The following CHLSN variants were observed in gnomAD, a reference collection of about 807,000 sequenced individuals.
CHLSN encodes the protein cholesin, also known as protein cholesin.
At chr7:1,019,468 G>C in the CHLSN span, among the ~76,000 whole-genome samples, 1 of 152,252 alleles carries the variant, frequency 6.6e-6, no homozygotes, top group African/African-American at 2.4e-5. Flanking sequence ...ACCGTGAGGA[G>C]GCTGGCCTGG....
At chr7:1,079,630 G>A in the CHLSN span, among the ~76,000 whole-genome samples, 1 of 152,236 alleles carries the variant, frequency 6.6e-6, no homozygotes, top group African/African-American at 2.4e-5. Flanking sequence ...ATGTAGACGT[G>A]TGACGGGAAG....
chr7:1,096,784 C>T, the CHLSN span, among the ~76,000 whole-genome samples: 11 of 152,356 alleles, frequency 7.2e-5, no homozygotes, highest in Non-Finnish European at 1.2e-4. The surrounding 1 kb of genome is among the most constrained non-coding windows in gnomAD (Gnocchi z 4.6). Flanking sequence ...ACGGCTTACC[C>T]GCCCTTCCCA....
chr7:1,103,018 C>T, the CHLSN span, among the ~76,000 whole-genome samples: 1 of 152,224 alleles, frequency 6.6e-6, no homozygotes, highest in Non-Finnish European at 1.5e-5. Flanking sequence ...GACCCCTTAC[C>T]CGTGACACGG....
chr7:997,601 C>T, the CHLSN span: 19 of 1,507,544 alleles, frequency 1.3e-5, no homozygotes, highest in East Asian at 5.2e-5. Context: ...CACTGGGCAG[C>T]GGCCCCGCCC....
At chr7:1,004,991 G>A in the CHLSN span, among the ~76,000 whole-genome samples, 8 of 152,220 alleles carry the variant, frequency 5.3e-5, no homozygotes, top group East Asian at 1.3e-3. Context: ...TAGCCTACTG[G>A]GCTTTAAAAA....
chr7:1,053,282 C>T, the CHLSN span, among the ~76,000 whole-genome samples: 8 of 152,280 alleles, frequency 5.3e-5, no homozygotes, highest in East Asian at 1.5e-3. Context: ...AGGCCATCCC[C>T]CTCACTCGGA....
the CHLSN span, among the ~76,000 whole-genome samples, chr7:1,005,100 G>A: frequency 2.0e-5 from 3 of 152,212 alleles, no homozygotes; most frequent in Admixed American, 6.5e-5. Flanking sequence ...GACCATCTTG[G>A]TTAATACGGT....
chr7:1,132,893 C>T, the CHLSN span, among the ~76,000 whole-genome samples: 9 of 152,072 alleles, frequency 5.9e-5, no homozygotes, highest in African/African-American at 2.2e-4. Context: ...GAATGACCAA[C>T]AGGCACATGA....
the CHLSN span, among the ~76,000 whole-genome samples, chr7:1,015,079 G>A: frequency 6.6e-6 from 1 of 152,340 alleles, no homozygotes; most frequent in South Asian, 2.1e-4. Flanking sequence ...AGCCCAAAAG[G>A]ACAGTGACCC....
the CHLSN span, among the ~76,000 whole-genome samples, chr7:1,117,035 G>A: frequency 9.9e-6 from 1 of 100,850 alleles, no homozygotes. Context: ...ACAGTTCTAC[G>A]GACCGGCTTC....
the CHLSN span, among the ~76,000 whole-genome samples, chr7:1,136,395 TATA>T: frequency 1.8e-5 from 2 of 110,666 alleles, no homozygotes; most frequent in African/African-American, 8.3e-5. Flanking sequence ...TAAACATATA[TATA>T]AATATATATA....
the CHLSN span, among the ~76,000 whole-genome samples, chr7:1,118,799 C>CAAAA: frequency 0.01 from 788 of 76,038 alleles, 7 homozygotes; most frequent in Non-Finnish European, 0.012. Context: ...CCATCTCTAC[C>CAAAA]AAAAAAAAAA....
At chr7:1,109,062 C>T in the CHLSN span, among the ~76,000 whole-genome samples, 3 of 152,142 alleles carry the variant, frequency 2.0e-5, no homozygotes, top group South Asian at 6.2e-4. Flanking sequence ...ACACCCAGCT[C>T]ATTTTTCTAT....
chr7:1,124,427 C>T, the CHLSN span, among the ~76,000 whole-genome samples: 6 of 151,572 alleles, frequency 4.0e-5, no homozygotes, highest in Admixed American at 2.6e-4. Flanking sequence ...TGAGGCTCTG[C>T]GGAATTGAGA....
chr7:1,048,096 T>C, the CHLSN span, among the ~76,000 whole-genome samples: 6 of 152,230 alleles, frequency 3.9e-5, no homozygotes, highest in East Asian at 1.2e-3. Flanking sequence ...CCGGGGGTAC[T>C]GATGCCCAAA....
the CHLSN span, among the ~76,000 whole-genome samples, chr7:1,001,881 G>C: frequency 9.9e-6 from 1 of 100,830 alleles, no homozygotes; most frequent in Admixed American, 9.4e-5. Flanking sequence ...GGGGAGTCCT[G>C]TGGGTGAGTG....
the CHLSN span, among the ~76,000 whole-genome samples, chr7:1,001,432 G>GT: frequency 7.2e-6 from 1 of 139,230 alleles, no homozygotes; most frequent in African/African-American, 2.7e-5. Flanking sequence ...CCTGTGGGTG[G>GT]GGATTCCTGT....
the CHLSN span, chr7:984,991 C>T: frequency 1.2e-6 from 2 of 1,610,230 alleles, no homozygotes. Context: ...GGCTGCCCGC[C>T]AGTTCACGGT....
the CHLSN span, among the ~76,000 whole-genome samples, chr7:991,249 C>A: frequency 6.6e-6 from 1 of 152,118 alleles, no homozygotes; most frequent in Non-Finnish European, 1.5e-5. Flanking sequence ...ATAAACATAA[C>A]CCCAACCCCA....
Sources: allele counts gnomAD v4.1 joint callset (sites outside exome capture counted in the v4.1 genomes callset), GRCh38; gene constraint gnomAD v4.1.1; non-coding constraint Gnocchi (gnomAD v3.1); transcripts MANE v1.5; gene names NCBI Gene and HGNC (gene_info 2026-07-23, HGNC 2026-07-21).